Variants in MED13L observed in about 807,000 individuals in gnomAD.
MED13L encodes the protein mediator of RNA polymerase II transcription subunit 13-like.
In MED13L, 7 loss-of-function variants were observed where a neutral mutation model predicts 220.9. The observed-to-expected ratio is 0.03, with a 90% CI of 0.02 to 0.06. The LOEUF is 0.06. Among genes scored for constraint, MED13L ranks in the 10% least tolerant of loss-of-function variants. The pLI is 1.00. For synonymous variants in MED13L, 1,011 were observed against 1,015.2 expected (o/e 1.00, Z 0.08); for missense variants, 1,965 against 2,760.5 (o/e 0.71, Z 6.46).
intron 2 of MED13L, among the ~76,000 whole-genome samples, chr12:116,233,603 T>C (rs1460488849): frequency 6.6e-6 from 1 of 152,230 alleles, no homozygotes; most frequent in African/African-American, 2.4e-5. Flanking sequence ...TGTAGGTCTT[T>C]GCACAGTAGC....
chr12:116,179,218 T>G (rs1880311484), intron 2 of MED13L, among the ~76,000 whole-genome samples: 1 of 151,980 alleles, frequency 6.6e-6, no homozygotes, highest in South Asian at 2.1e-4. Flanking sequence ...TGTGTGTGTG[T>G]GTGTGTGTGT....
intron 4 of MED13L, among the ~76,000 whole-genome samples, chr12:116,052,102 CAT>C (rs1491047381): frequency 1.3e-5 from 2 of 149,800 alleles, no homozygotes; most frequent in African/African-American, 2.4e-5. Context: ...CACACACACA[CAT>C]AAAACTATAT....
At chr12:116,142,750 T>C (rs1159952820) in intron 2 of MED13L, among the ~76,000 whole-genome samples, 11 of 152,208 alleles carry the variant, frequency 7.2e-5, no homozygotes, top group East Asian at 5.8e-4. Flanking sequence ...GTATGCACAA[T>C]TGATGTATGT....
intron 2 of MED13L, among the ~76,000 whole-genome samples, chr12:116,176,687 A>G (rs975119217): frequency 2.0e-5 from 3 of 152,102 alleles, no homozygotes; most frequent in East Asian, 1.9e-4. Context: ...GCAAAGGCAA[A>G]GAAAAAAATT....
At chr12:116,035,593 T>A (rs1345445796) in intron 4 of MED13L, among the ~76,000 whole-genome samples, 1 of 152,028 alleles carries the variant, frequency 6.6e-6, no homozygotes, top group Non-Finnish European at 1.5e-5. Context: ...TATTAATTAA[T>A]TAATTAATTT....
At position 116,008,463 on chromosome 12, in the gene MED13L, C is replaced by T; in HGVS notation, c.1950G>A (p.Glu650=). The T allele has an allele frequency of 6.2e-7, 1 of 1,613,326 alleles. No homozygotes were observed. Among genetic ancestry groups the T allele is most frequent in the Non-Finnish European group, 8.5e-7 (1 of 1,179,966 alleles). Residue 650 remains glutamate, a synonymous_variant, in exon 10 of 31, where the codon GAG becomes GAA. Transcript: ENST00000281928. ...PSDDAEFRPP[E]LQGERCDAKM... is the part of the protein sequence containing the mutation. ...TGGCATCACATCTCTCACCCTGGAG[C>T]TCTGGAGGCCTGAACTCAGCATCAT...
chr12:116,112,692 G>T (rs1874188889), intron 2 of MED13L, among the ~76,000 whole-genome samples: 1 of 152,126 alleles, frequency 6.6e-6, no homozygotes, highest in African/African-American at 2.4e-5. Context: ...ACAGCAAACA[G>T]AAAAACATTC....
At chr12:116,145,361 G>C (rs1250548112) in intron 2 of MED13L, among the ~76,000 whole-genome samples, 1 of 152,138 alleles carries the variant, frequency 6.6e-6, no homozygotes, top group Non-Finnish European at 1.5e-5. Context: ...TTCTGGAACC[G>C]AGCCCAGGGG....
At chr12:116,031,729 A>AG (rs1391928242) in intron 4 of MED13L, among the ~76,000 whole-genome samples, 1 of 80,532 alleles carries the variant, frequency 1.2e-5, no homozygotes, top group African/African-American at 7.3e-5. Context: ...AGAAAAGAAA[A>AG]GAAAAGAAAA....
chr12:115,962,313 G>C (rs1875819997), intron 30 of MED13L, among the ~76,000 whole-genome samples: 1 of 152,166 alleles, frequency 6.6e-6, no homozygotes, highest in Non-Finnish European at 1.5e-5. Context: ...GTCTCATAAA[G>C]AGTACACAAC....
At chr12:116,143,311 A>T (rs1309840900) in intron 2 of MED13L, among the ~76,000 whole-genome samples, 5 of 151,520 alleles carry the variant, frequency 3.3e-5, no homozygotes, top group Middle Eastern at 3.4e-3. Flanking sequence ...AGCCCAGGGG[A>T]CACAGCAACA....
At chr12:116,153,205 T>C (rs1271250916) in intron 2 of MED13L, among the ~76,000 whole-genome samples, 2 of 152,202 alleles carry the variant, frequency 1.3e-5, no homozygotes, top group African/African-American at 4.8e-5. Flanking sequence ...GAAGGTGGAA[T>C]GACCTGGTTA....
intron 24 of MED13L, 93 bp downstream of exon 24, chr12:115,975,422 C>A: frequency 6.3e-7 from 1 of 1,592,268 alleles, no homozygotes. Flanking sequence ...CCATGCTGTA[C>A]CCACTTCATT....
chr12:116,097,778 G>A (rs1315143680), intron 3 of MED13L, among the ~76,000 whole-genome samples: 1 of 152,080 alleles, frequency 6.6e-6, no homozygotes, highest in African/African-American at 2.4e-5. Flanking sequence ...ATGTTAAATG[G>A]CAAGTGAACC....
rs763331659 is a variant in MED13L at position 116,009,046 on chromosome 12, G to C, written c.1367C>G (p.Ser456Cys). 1.9e-6 allele frequency: 3 copies of C among 1,614,114 alleles called. No individual in the cohort carries two copies. Among genetic ancestry groups the C allele is most frequent in the Non-Finnish European group, 1.7e-6 (2 of 1,180,004 alleles). Residue 456 changes from serine to cysteine, a missense_variant, in exon 10 of 31, where the codon TCT becomes TGT. By Grantham distance (112) the Ser-to-Cys change is moderately radical. Around this residue, in one of 10 missense-constraint regions of MED13L, gnomAD observed 818 missense variants for 1,041.2 expected, o/e 0.79. Transcript: ENST00000281928. ...AGAAGCAGGAGGTGGTAAAGATGAAGATGATGATGGTCCTGCACTGAACCC... is the reference window on the plus strand; with the variant it reads ...AGAAGCAGGAGGTGGTAAAGATGAACATGATGATGGTCCTGCACTGAACCC... ...QPGFSAGPSS[S>C]SSLPPPASSK...
rs543022407 is a variant in MED13L, at chr12:116,114,153, G to C, written c.311-2641C>G. On this transcript the variant is annotated intron_variant, in intron 2 of 30. Transcript: ENST00000281928. ...ACTTGGTGAAGAAACCAGGTTACCT[G>C]TCTTAATATCTCATATTCACATCCA... Among the ~76,000 whole-genome samples the C allele has an allele frequency of 1.5e-4, 23 of 152,178 alleles. No individual in the cohort carries two copies. In the South Asian group the frequency reaches 4.8e-3, roughly 32 times the overall value.
At chr12:116,124,215 T>C (rs762338166) in intron 2 of MED13L, among the ~76,000 whole-genome samples, 3 of 139,374 alleles carry the variant, frequency 2.2e-5, no homozygotes, top group Non-Finnish European at 3.2e-5. Context: ...CTGTGAAGAC[T>C]TGGTGCACAA....
intron 7 of MED13L, among the ~76,000 whole-genome samples, chr12:116,018,897 T>TAAAAAAAA (rs1303750002): frequency 9.0e-6 from 1 of 111,628 alleles, no homozygotes. Flanking sequence ...TGTTCAAAAT[T>TAAAAAAAA]AAAAAAAAAA....
At chr12:116,063,521 C>T (rs1209288974) in intron 4 of MED13L, among the ~76,000 whole-genome samples, 3 of 152,048 alleles carry the variant, frequency 2.0e-5, no homozygotes, top group Non-Finnish European at 2.9e-5. Context: ...CTGTCTCAAA[C>T]AAACAAACAA....
Sources: gnomAD v4.1 joint callset for allele counts (sites outside exome capture counted in the v4.1 genomes callset) on GRCh38, gnomAD v4.1.1 for gene constraint, gnomAD v4.1.1 regional missense constraint, MANE v1.5 for transcripts, NCBI Gene and HGNC (gene_info 2026-07-23, HGNC 2026-07-21) for gene names.